The following PCSK2 variants were observed in gnomAD, a reference collection of about 807,000 sequenced individuals.
PCSK2 encodes neuroendocrine convertase 2.
Under a neutral mutation model 69.7 loss-of-function variants are expected in PCSK2, and 14 were observed. That is an observed-to-expected ratio of 0.20 (90% confidence interval 0.13 to 0.31). The LOEUF (loss-of-function observed/expected upper bound fraction) is 0.31, where lower values mean the gene tolerates loss of function less well. Among genes scored for constraint, PCSK2 ranks in the 10% least tolerant of loss-of-function variants. PCSK2 has a pLI of 1.00. For missense variants in PCSK2, 544 were observed against 842.5 expected (o/e 0.65, Z 4.39); for synonymous variants, 307 against 320.7 (o/e 0.96, Z 0.46).
intron 1 of PCSK2, among the ~76,000 whole-genome samples, chr20:17,253,124 A>G (rs1432246747): frequency 1.3e-5 from 2 of 152,234 alleles, no homozygotes; most frequent in Non-Finnish European, 2.9e-5. Context: ...CCTAGGATAT[A>G]TCCTACAGGA....
intron 6 of PCSK2, among the ~76,000 whole-genome samples, chr20:17,413,597 C>A (rs2031928323): frequency 6.6e-6 from 1 of 152,124 alleles, no homozygotes; most frequent in Non-Finnish European, 1.5e-5. Flanking sequence ...GACTTTAACA[C>A]CCCACTGTCA....
At chr20:17,397,499 A>G (rs8116273) in intron 5 of PCSK2, among the ~76,000 whole-genome samples, 8,892 of 141,484 alleles carry the variant, frequency 0.063, 344 homozygotes, top group Middle Eastern at 0.19. Flanking sequence ...TTTTTTTTTG[A>G]GATGGAGTCT....
intron 8 of PCSK2, among the ~76,000 whole-genome samples, chr20:17,445,376 C>T (rs2123366597): frequency 6.6e-6 from 1 of 152,336 alleles, no homozygotes; most frequent in Middle Eastern, 3.4e-3. Context: ...CTTAATCACT[C>T]TTCAGAGTTG....
chr20:17,278,692 C>A (rs1988188503), intron 2 of PCSK2, among the ~76,000 whole-genome samples: 1 of 152,062 alleles, frequency 6.6e-6, no homozygotes, highest in Non-Finnish European at 1.5e-5. Flanking sequence ...GCACGCTATG[C>A]ACATGTACCC....
chr20:17,253,095 AC>A (rs1389677666), intron 1 of PCSK2, among the ~76,000 whole-genome samples: 1 of 152,232 alleles, frequency 6.6e-6, no homozygotes, highest in Non-Finnish European at 1.5e-5. Context: ...TTCATAATCT[AC>A]GACTTAGAGA....
At chr20:17,303,861 T>C (rs1250603021) in intron 2 of PCSK2, among the ~76,000 whole-genome samples, 1 of 147,904 alleles carries the variant, frequency 6.8e-6, no homozygotes, top group Non-Finnish European at 1.5e-5. Flanking sequence ...ATTACAGGTG[T>C]GAACGACCGT....
At chr20:17,232,095 C>T (rs1021434293) in intron 1 of PCSK2, among the ~76,000 whole-genome samples, 6 of 152,146 alleles carry the variant, frequency 3.9e-5, no homozygotes, top group African/African-American at 1.4e-4. Flanking sequence ...ATCTCTTCAC[C>T]TTTGCGTAAT....
intron 5 of PCSK2, among the ~76,000 whole-genome samples, chr20:17,403,745 A>T (rs2031694647): frequency 6.6e-6 from 1 of 152,244 alleles, no homozygotes; most frequent in Non-Finnish European, 1.5e-5. Flanking sequence ...TTACATTGGC[A>T]GTTAATCATT....
intron 5 of PCSK2, among the ~76,000 whole-genome samples, chr20:17,384,425 C>CAA (rs11478291): frequency 0.29 from 30,893 of 106,062 alleles, 5,145 homozygotes; most frequent in South Asian, 0.53. Context: ...CCATATCTAC[C>CAA]AAAAAAAAAA....
chr20:17,442,100 C>A (rs1216995653), intron 8 of PCSK2, among the ~76,000 whole-genome samples: 1 of 151,228 alleles, frequency 6.6e-6, no homozygotes, highest in Admixed American at 6.6e-5. Flanking sequence ...GGCAGAGGGG[C>A]TGGGGATGCA....
chr20:17,444,219 C>T (rs1401108478), intron 8 of PCSK2, among the ~76,000 whole-genome samples: 1 of 152,108 alleles, frequency 6.6e-6, no homozygotes, highest in African/African-American at 2.4e-5. Context: ...ATTTTATCAT[C>T]CTGTACATAT....
intron 2 of PCSK2, among the ~76,000 whole-genome samples, chr20:17,350,932 C>T (rs560602936): frequency 1.9e-4 from 28 of 151,276 alleles, no homozygotes; most frequent in South Asian, 6.3e-4. Context: ...CCCAGCTACT[C>T]GGGAGGCTGA....
At chr20:17,479,128 G>T in intron 11 of PCSK2, 1 of 1,354,856 alleles carries the variant, frequency 7.4e-7, no homozygotes, top group Admixed American at 1.7e-5. Flanking sequence ...ACAGTTCATG[G>T]TCCAGTTCTC....
chr20:17,423,862 A>T (rs537776910), intron 6 of PCSK2, among the ~76,000 whole-genome samples: 172 of 152,350 alleles, frequency 1.1e-3, no homozygotes, highest in African/African-American at 4.0e-3. Context: ...CTATGAAAAG[A>T]TTACCTTGCT....
chr20:17,355,211 A>G (rs989833184), intron 2 of PCSK2, among the ~76,000 whole-genome samples: 9 of 152,226 alleles, frequency 5.9e-5, no homozygotes, highest in African/African-American at 2.2e-4. Flanking sequence ...AGTGGTTGTA[A>G]TAGCCATTCC....
rs187590563 is a variant in PCSK2 at position 17,451,407 on chromosome 20, G to A, written c.886-2335G>A. ...AGAGTGAGTTAGAGACTGACGGATC[G>A]AGGATGGCTTCCCTCCTGTGTCTGG... is the stretch of plus-strand genomic sequence containing the variant. On this transcript the variant is annotated intron_variant, in intron 8 of 11. Coordinates refer to ENST00000262545, the MANE Select transcript of PCSK2 (RefSeq NM_002594.5). Among the ~76,000 whole-genome samples the A allele has an allele frequency of 7.2e-5, 11 of 152,270 alleles. No homozygotes were observed. The East Asian group carries it at 1.9e-3, about 27-fold the overall frequency.
intron 2 of PCSK2, among the ~76,000 whole-genome samples, chr20:17,273,724 G>T (rs1987953603): frequency 1.3e-5 from 2 of 152,150 alleles, no homozygotes; most frequent in Non-Finnish European, 2.9e-5. Context: ...AGATTACGCT[G>T]CAGTAACAAA....
At chr20:17,393,726 T>A (rs970086110) in intron 5 of PCSK2, among the ~76,000 whole-genome samples, 2 of 152,218 alleles carry the variant, frequency 1.3e-5, no homozygotes, top group Admixed American at 1.3e-4. Flanking sequence ...TAGTGTCAGT[T>A]TATTTCATTT....
chr20:17,254,981 G>A (rs1241212860), intron 1 of PCSK2, among the ~76,000 whole-genome samples: 1 of 152,166 alleles, frequency 6.6e-6, no homozygotes, highest in Non-Finnish European at 1.5e-5. Flanking sequence ...TTCATTGCTT[G>A]TGTATAGAAA....
Sources: gnomAD v4.1 joint callset for allele counts (sites outside exome capture counted in the v4.1 genomes callset) on GRCh38, gnomAD v4.1.1 for gene constraint, MANE v1.5 for transcripts, NCBI Gene and HGNC (gene_info 2026-07-23, HGNC 2026-07-21) for gene names.